RSF1: variants seen among roughly 807,000 people sequenced by gnomAD.
RSF1 encodes HBV pX-associated protein 8.
In RSF1, 13 loss-of-function variants were observed where a neutral mutation model predicts 145.2. The observed-to-expected ratio is 0.09, with a 90% CI of 0.06 to 0.14. The LOEUF (loss-of-function observed/expected upper bound fraction) is 0.14. RSF1 is among the 10% of genes least tolerant of loss of function. The pLI, the probability that RSF1 is intolerant of heterozygous loss-of-function variation, is 1.00. For missense variants in RSF1, 1,517 were observed against 1,718.2 expected (o/e 0.88, Z 2.07); for synonymous variants, 577 against 592.6 (o/e 0.97, Z 0.38).
upstream of RSF1, among the ~76,000 whole-genome samples, chr11:77,824,721 T>A (rs1173741233): frequency 6.6e-6 from 1 of 152,218 alleles, no homozygotes; most frequent in East Asian, 1.9e-4. Context: ...GGAAGGGTAT[T>A]GACTAGAAAG....
chr11:77,785,048 G>A (rs1443481353), intron 1 of RSF1, among the ~76,000 whole-genome samples: 1 of 152,272 alleles, frequency 6.6e-6, no homozygotes, highest in Non-Finnish European at 1.5e-5. Context: ...GAAGCTGCCA[G>A]ACTCATTAGA....
At chr11:77,818,152 G>A (rs959157171) in intron 1 of RSF1, among the ~76,000 whole-genome samples, 1 of 152,068 alleles carries the variant, frequency 6.6e-6, no homozygotes, top group Non-Finnish European at 1.5e-5. Context: ...TCTTAGCCCA[G>A]GTTACCTGTC....
In RSF1 at chr11:77,666,852, A is replaced by T; in HGVS notation, c.*65T>A. 1 of 1,342,974 alleles carries T rather than the reference A, an allele frequency of 7.4e-7. No homozygotes were observed. The highest frequency in any genetic ancestry group is 1.0e-6 in the Non-Finnish European group (1 of 993,652). 83.2% of individuals were successfully genotyped at this position (1,342,974 alleles called of 1,614,324 possible). A position where few individuals can be genotyped will look rare whatever the true frequency, so the allele number is the denominator to read the frequency against. ...TTCTAGGAAAAATTAAACAGCTTTT[A>T]ATAACTGGCCCGCTGGTGTGAGAGC... is the stretch of plus-strand genomic sequence containing the variant. On this transcript the variant is annotated 3_prime_UTR_variant, in exon 16 of 16. Coordinates refer to ENST00000308488, the MANE Select transcript of RSF1 (RefSeq NM_016578.4).
At position 77,683,731 on chromosome 11, in the gene RSF1, G is replaced by A. The variant is rs1959929624; in HGVS notation, c.3044C>T (p.Thr1015Ile). The part of the protein sequence containing the change: ...ANLLERRSTR[T>I]RKCISYRFDE... ...ATACCTGTAGCTTATACATTTCCTTGTTCTTGTTGACCTCCTTTCAAGCAA... is the reference window on the plus strand; with the variant it reads ...ATACCTGTAGCTTATACATTTCCTTATTCTTGTTGACCTCCTTTCAAGCAA... The change falls in exon 11 of 16, where the codon ACA (threonine) becomes ATA (isoleucine). Residue 1015 changes from threonine (T) to isoleucine (I), a missense_variant. Coordinates refer to ENST00000308488, the MANE Select transcript of RSF1 (RefSeq NM_016578.4). The A allele has an allele frequency of 2.5e-6, 4 of 1,612,044 alleles. No individual in the cohort carries two copies. In the Admixed American group the frequency reaches 6.7e-5, roughly 27 times the overall value.
At chr11:77,794,614 T>C (rs941836519) in intron 1 of RSF1, among the ~76,000 whole-genome samples, 3 of 152,090 alleles carry the variant, frequency 2.0e-5, no homozygotes, top group African/African-American at 7.2e-5. Context: ...TGAAGTAAGA[T>C]GGAGGTCAAA....
chr11:77,799,984 G>A (rs1046918292), intron 1 of RSF1, among the ~76,000 whole-genome samples: 8 of 152,086 alleles, frequency 5.3e-5, no homozygotes, highest in Non-Finnish European at 1.0e-4. Context: ...TCCCTGTACA[G>A]AGTAAAGAGA....
chr11:77,771,304 A>G (rs1475775078), intron 1 of RSF1, among the ~76,000 whole-genome samples: 1 of 152,230 alleles, frequency 6.6e-6, no homozygotes, highest in African/African-American at 2.4e-5. Flanking sequence ...AACATGTGAC[A>G]CACGGTTAAA....
intron 2 of RSF1, among the ~76,000 whole-genome samples, chr11:77,750,827 ATTC>A (rs1948054346): frequency 6.6e-6 from 1 of 152,216 alleles, no homozygotes. Flanking sequence ...ATAAATCATT[ATTC>A]TATAATACTT....
At chr11:77,760,461 G>C (rs2135933899) in intron 2 of RSF1, among the ~76,000 whole-genome samples, 1 of 152,300 alleles carries the variant, frequency 6.6e-6, no homozygotes, top group East Asian at 1.9e-4. Context: ...TTACTGAGAT[G>C]TTAGAAAAGT....
At chr11:77,727,832 A>G (rs1457326226) in intron 4 of RSF1, among the ~76,000 whole-genome samples, 1 of 152,168 alleles carries the variant, frequency 6.6e-6, no homozygotes, top group African/African-American at 2.4e-5. Context: ...TTTATTAAAG[A>G]ACAACTCCCT....
At position 77,742,452 on chromosome 11, in the gene RSF1, G is replaced by C. The variant is rs149123313; in HGVS notation, c.373-1516C>G. On this transcript the variant is annotated intron_variant, in intron 3 of 15. Coordinates refer to ENST00000308488, the MANE Select transcript of RSF1 (RefSeq NM_016578.4). ...GTGCCACCATGCCCAGCTAATTTTT[G>C]TATTTTTAGTAGAGACAGGGTTTCA... 2.3e-3 allele frequency among the ~76,000 whole-genome samples: 352 copies of C among 152,192 alleles called. 5 individuals carry two copies. Among genetic ancestry groups the C allele is most frequent in the Middle Eastern group, 0.01 (3 of 294 alleles).
In RSF1 at chr11:77,791,798, A is replaced by C. The variant is rs758818811; in HGVS notation, c.188-27109T>G. Among the ~76,000 whole-genome samples the C allele has an allele frequency of 1.3e-4, 20 of 152,252 alleles. 1 individual carries two copies. Among genetic ancestry groups the C allele is most frequent in the Non-Finnish European group, 8.8e-5 (6 of 68,020 alleles). On this transcript the variant is annotated intron_variant, in intron 1 of 15. Coordinates refer to ENST00000308488, the MANE Select transcript of RSF1 (RefSeq NM_016578.4). ...CTGAGACCACCTCAGCCTGGATCTTATTGTCCATATCGCTATCAGGCTTTT... is the reference window on the plus strand; with the variant it reads ...CTGAGACCACCTCAGCCTGGATCTTCTTGTCCATATCGCTATCAGGCTTTT...
chr11:77,846,646 C>T, the RSF1 span, among the ~76,000 whole-genome samples: 2 of 152,306 alleles, frequency 1.3e-5, no homozygotes, highest in Admixed American at 6.5e-5. Context: ...GTGGAGGTTG[C>T]GGTGAGCCAA....
chr11:77,747,356 C>T (rs758968197), intron 2 of RSF1, among the ~76,000 whole-genome samples: 22 of 152,212 alleles, frequency 1.4e-4, no homozygotes, highest in Non-Finnish European at 2.9e-4. Context: ...GTAGCTCTCT[C>T]CTCTGCTATC....
intron 4 of RSF1, among the ~76,000 whole-genome samples, chr11:77,732,089 G>T (rs1961220006): frequency 6.6e-6 from 1 of 152,208 alleles, no homozygotes; most frequent in Non-Finnish European, 1.5e-5. Flanking sequence ...CCAGGAGGGA[G>T]GCTGTACAGG....
At chr11:77,865,232 G>A in the RSF1 span, among the ~76,000 whole-genome samples, 1 of 152,186 alleles carries the variant, frequency 6.6e-6, no homozygotes, top group South Asian at 2.1e-4. Flanking sequence ...TGAAGGCCAA[G>A]GTGTTGTAAT....
At chr11:77,705,036 C>T (rs1270178349) in intron 5 of RSF1, among the ~76,000 whole-genome samples, 2 of 152,104 alleles carry the variant, frequency 1.3e-5, no homozygotes, top group Admixed American at 1.3e-4. Flanking sequence ...CAGGTGTGAG[C>T]CACCATGCCT....
Position 77,676,980 on chromosome 11 carries a change from A to G in RSF1, c.3153T>C (p.Asp1051=). Residue 1051 remains aspartate, a synonymous_variant, in exon 13 of 16, where the codon GAT becomes GAC. Coordinates refer to ENST00000308488, the MANE Select transcript of RSF1 (RefSeq NM_016578.4). The part of the protein sequence containing the change: ...ADGGGVGRGK[D]ISTITGHRGK... ...CACGATGACCTGTGATGGTGGAGAT[A>G]TCTTTTCCTCGGCCAACTCCTGAAT... is the stretch of plus-strand genomic sequence containing the variant. The G allele has an allele frequency of 6.2e-7, 1 of 1,613,612 alleles. No individual in the cohort carries two copies. The highest frequency in any genetic ancestry group is 1.3e-5 in the African/African-American group (1 of 74,970).
At chr11:77,768,304 AG>A (rs1233229124) in intron 1 of RSF1, among the ~76,000 whole-genome samples, 1 of 151,712 alleles carries the variant, frequency 6.6e-6, no homozygotes, top group Non-Finnish European at 1.5e-5. Flanking sequence ...CTGGGATTAC[AG>A]GCGTGCGCCA....
Sources: allele counts gnomAD v4.1 joint callset (sites outside exome capture counted in the v4.1 genomes callset), GRCh38; gene constraint gnomAD v4.1.1; transcripts MANE v1.5; gene names NCBI Gene and HGNC (gene_info 2026-07-23, HGNC 2026-07-21).